NAA15: variants seen among roughly 807,000 people sequenced by gnomAD.
NAA15 encodes N-alpha-acetyltransferase 15, NatA auxiliary subunit.
Under a neutral mutation model 114.0 loss-of-function variants are expected in NAA15, and 34 were observed. That is an observed-to-expected ratio of 0.30 (90% CI 0.23 to 0.40). NAA15 has a LOEUF of 0.40. Among genes scored for constraint, NAA15 ranks in the 10% least tolerant of loss-of-function variants. The pLI is 1.00. For synonymous variants in NAA15, 340 were observed against 338.0 expected (o/e 1.01, Z -0.06); for missense variants, 658 against 1,004.5 (o/e 0.66, Z 4.66).
Position 139,378,840 on chromosome 4 carries a change from G to T in NAA15, c.2141G>T (p.Arg714Leu). ...CCCTGGCTTCATGAGTGTATGATTC[G>T]TCTCTTTAATACTGGTATGTTTTTG... The part of the protein sequence containing the change: ...SHPWLHECMI[R>L]LFNTAVCESK... Residue 714 changes from arginine to leucine, a missense_variant, in exon 17 of 20, where the codon CGT (arginine) becomes CTT (leucine). Physicochemically the swap from Arg to Leu is moderately radical, Grantham distance 102 (BLOSUM62 -2). Transcript: ENST00000296543. The T allele has an allele frequency of 6.4e-7, 1 of 1,553,846 alleles. No individual in the cohort carries two copies. The highest frequency in any genetic ancestry group is 8.6e-7 in the Non-Finnish European group (1 of 1,158,970).
At chr4:139,315,029 AGG>A (rs1307743929) in intron 1 of NAA15, among the ~76,000 whole-genome samples, 19,805 of 129,602 alleles carry the variant, frequency 0.15, 2,889 homozygotes, top group Non-Finnish European at 0.18. Flanking sequence ...AGGTTAGGTT[AGG>A]TTAGGTTAGG....
chr4:139,351,384 T>C (rs1456638553), intron 8 of NAA15, 98 bp downstream of exon 8: 1 of 1,062,618 alleles, frequency 9.4e-7, no homozygotes, highest in Non-Finnish European at 1.4e-6. Flanking sequence ...GTTTAAGCTA[T>C]ACATTGTTAG....
intron 16 of NAA15, among the ~76,000 whole-genome samples, chr4:139,378,441 G>A (rs978676940): frequency 6.6e-6 from 1 of 152,142 alleles, no homozygotes; most frequent in Admixed American, 6.5e-5. Flanking sequence ...TAGTGGGAAA[G>A]GTTGCTTTAT....
At chr4:139,328,118 A>AT (rs35354123) in intron 1 of NAA15, among the ~76,000 whole-genome samples, 41,196 of 149,322 alleles carry the variant, frequency 0.28, 5,871 homozygotes, top group African/African-American at 0.36. Flanking sequence ...TAGCCCACTG[A>AT]TTTTTTTTTT....
chr4:139,340,815 A>G (rs1287458076), intron 3 of NAA15, 97 bp from the exon 4 acceptor site: 2 of 896,314 alleles, frequency 2.2e-6, no homozygotes, highest in African/African-American at 1.7e-5. Flanking sequence ...TTAAGCTTGT[A>G]GTTTTATAAA....
At chr4:139,349,978 T>A (rs983433269) in intron 7 of NAA15, among the ~76,000 whole-genome samples, 2 of 142,400 alleles carry the variant, frequency 1.4e-5, no homozygotes, top group Non-Finnish European at 3.1e-5. Context: ...AGAGCGAGAC[T>A]GTGTCTCAAA....
chr4:139,322,850 C>T (rs573512868), intron 1 of NAA15, among the ~76,000 whole-genome samples: 1 of 151,978 alleles, frequency 6.6e-6, no homozygotes, highest in Admixed American at 6.6e-5. Flanking sequence ...CACCACCATG[C>T]TTGGCTAATT....
chr4:139,328,990 C>T (rs1250722825), intron 1 of NAA15, among the ~76,000 whole-genome samples: 2 of 151,966 alleles, frequency 1.3e-5, no homozygotes, highest in Non-Finnish European at 2.9e-5. Flanking sequence ...CTGCCTCAGC[C>T]TCCCAAGTAG....
intron 1 of NAA15, among the ~76,000 whole-genome samples, chr4:139,303,266 T>C (rs943451501): frequency 6.6e-6 from 1 of 152,284 alleles, no homozygotes; most frequent in East Asian, 1.9e-4. Context: ...AAAAGTTACT[T>C]TTAAACCCTT....
Position 139,360,575 on chromosome 4 carries a change from A to G in NAA15, c.1486A>G (p.Lys496Glu). 2 of 1,610,376 alleles carry G rather than the reference A, an allele frequency of 1.2e-6. No homozygotes were observed. The highest frequency in any genetic ancestry group is 1.7e-6 in the Non-Finnish European group (2 of 1,178,230). Residue 496 changes from lysine to glutamate, a missense_variant, in exon 13 of 20, where the codon AAA becomes GAA. Physicochemically the swap from Lys to Glu is moderately conservative, Grantham distance 56 (BLOSUM62 1). Transcript: ENST00000296543. ...CCAAACAGAATGTGCCCAGGCTTAT[A>G]AAGCAATGAATAAATTTGGTGAAGC... ...WFQTECAQAYKAMNKFGEALK... is the reference protein window; with the variant it reads ...WFQTECAQAYEAMNKFGEALK...
intron 6 of NAA15, among the ~76,000 whole-genome samples, chr4:139,346,447 C>G (rs1362582182): frequency 6.6e-6 from 1 of 151,898 alleles, no homozygotes; most frequent in African/African-American, 2.4e-5. Flanking sequence ...TTTAGAAATT[C>G]AAGGCAGTGT....
rs1748961727 is a variant in NAA15, at chr4:139,388,239, A to C, written c.*155A>C. 1 of 581,036 alleles carries C rather than the reference A, an allele frequency of 1.7e-6. No individual in the cohort carries two copies. The highest frequency in any genetic ancestry group is 1.9e-5 in the African/African-American group (1 of 53,102). 36.0% of individuals were successfully genotyped at this position (581,036 alleles called of 1,614,324 possible). On this transcript the variant is annotated 3_prime_UTR_variant, in exon 20 of 20. Transcript: ENST00000296543. ...TTTTACGTTTTTTATCCTGCTGAAA[A>C]AGTATATATAAAATATCTAACATTA...
At chr4:139,325,692 A>G (rs757003059) in intron 1 of NAA15, among the ~76,000 whole-genome samples, 16 of 152,198 alleles carry the variant, frequency 1.1e-4, no homozygotes, top group Non-Finnish European at 2.1e-4. Flanking sequence ...TCTGTCGCTC[A>G]GGTTGGAGTG....
At chr4:139,326,139 T>C (rs1333308284) in intron 1 of NAA15, among the ~76,000 whole-genome samples, 1 of 152,216 alleles carries the variant, frequency 6.6e-6, no homozygotes, top group Non-Finnish European at 1.5e-5. Flanking sequence ...GTTAGCAGTT[T>C]TATGTTTTTT....
At chr4:139,376,242 CAG>C in intron 15 of NAA15, 121 bp from the exon 16 acceptor site, 2 of 610,856 alleles carry the variant, frequency 3.3e-6, no homozygotes, top group Non-Finnish European at 5.6e-6. Flanking sequence ...TAAAATATGA[CAG>C]TGTTTTTCTG....
intron 19 of NAA15, 199 bp downstream of exon 19, chr4:139,386,429 A>G: frequency 2.5e-6 from 1 of 408,018 alleles, no homozygotes; most frequent in Non-Finnish European, 4.4e-6. Context: ...TTTTTAAGAA[A>G]TATGTTTTAA....
At chr4:139,341,315 G>A (rs956698224) in intron 4 of NAA15, among the ~76,000 whole-genome samples, 1 of 151,888 alleles carries the variant, frequency 6.6e-6, no homozygotes, top group Non-Finnish European at 1.5e-5. Context: ...TTAACATCAG[G>A]CCAGGTGCGG....
chr4:139,380,153 T>G (rs1199680254), intron 17 of NAA15, among the ~76,000 whole-genome samples: 1 of 152,140 alleles, frequency 6.6e-6, no homozygotes, highest in Non-Finnish European at 1.5e-5. Context: ...TGTAGAAGTG[T>G]TTTTCCTCAA....
chr4:139,303,002 T>G (rs1026509861), intron 1 of NAA15, among the ~76,000 whole-genome samples: 1 of 152,238 alleles, frequency 6.6e-6, no homozygotes, highest in African/African-American at 2.4e-5. Context: ...CCCGCAGTTA[T>G]AATTTATTTC....
Sources: allele counts gnomAD v4.1 joint callset (sites outside exome capture counted in the v4.1 genomes callset), GRCh38; gene constraint gnomAD v4.1.1; transcripts MANE v1.5; gene names NCBI Gene and HGNC (gene_info 2026-07-23, HGNC 2026-07-21).